CLPSL2: variants seen among roughly 807,000 people sequenced by gnomAD.
The protein encoded by CLPSL2 is colipase like 2.
CLPSL2 carries 4 observed loss-of-function variants against 7.9 expected under a neutral mutation model. That is an observed-to-expected ratio of 0.50 (90% CI 0.25 to 1.15). CLPSL2 has a LOEUF of 1.15. Ranked by LOEUF, CLPSL2 falls within the 50% of genes most tolerant of loss-of-function variation. The pLI, the probability that CLPSL2 is intolerant of heterozygous loss-of-function variation, is 0.15. For missense variants in CLPSL2, 132 were observed against 136.6 expected, an observed-to-expected ratio of 0.97 and a Z score of 0.17; for synonymous variants, 67 against 53.1, an observed-to-expected ratio of 1.26 and a Z score of -1.14.
intron 2 of CLPSL2, among the ~76,000 whole-genome samples, chr6:35,778,792 T>C (rs1378298467): frequency 6.6e-6 from 1 of 152,090 alleles, no homozygotes; most frequent in Non-Finnish European, 1.5e-5. Flanking sequence ...CTAGAGGGTT[T>C]TTATTTTTTT....
At position 35,779,422 on chromosome 6, in the gene CLPSL2, T is replaced by C; in HGVS notation, c.275T>C (p.Met92Thr). ...MGLTCISKDLMCSRRCHMI is the reference protein window; with the variant it reads ...MGLTCISKDLTCSRRCHMI ...TTGACGTGCATATCCAAGGACTTGA[T>C]GTGTTCCCGCCGGTGCCATATGATT... Residue 92 changes from methionine to threonine, a missense_variant, in exon 3 of 3, where the codon ATG (methionine) becomes ACG (threonine). Transcript: ENST00000403376. The C allele has an allele frequency of 6.3e-7, 1 of 1,578,768 alleles. No homozygotes were observed. Among genetic ancestry groups the C allele is most frequent in the Non-Finnish European group, 8.6e-7 (1 of 1,161,102 alleles).
At chr6:35,777,715 T>A (rs769838671) in intron 2 of CLPSL2, 134 bp downstream of exon 2, 16 of 1,059,374 alleles carry the variant, frequency 1.5e-5, no homozygotes, top group Non-Finnish European at 2.2e-5. Flanking sequence ...GGCAAACTCC[T>A]ACTCATGGTG....
chr6:35,778,867 C>A (rs2151058230), intron 2 of CLPSL2, among the ~76,000 whole-genome samples: 1 of 152,186 alleles, frequency 6.6e-6, no homozygotes, highest in African/African-American at 2.4e-5. Flanking sequence ...GATCTTGGCC[C>A]ACTGCAACCT....
chr6:35,778,288 T>C (rs958340179), intron 2 of CLPSL2, among the ~76,000 whole-genome samples: 2 of 152,154 alleles, frequency 1.3e-5, no homozygotes, highest in Non-Finnish European at 2.9e-5. Flanking sequence ...GAATATCTCT[T>C]CTCTCACACC....
rs1402931204 is a variant in CLPSL2 at position 35,779,431 on chromosome 6, G to A, written c.284G>A (p.Arg95His). The change falls in exon 3 of 3, where the codon CGC (arginine) becomes CAC (histidine). Residue 95 changes from arginine (R) to histidine (H), a missense_variant. Physicochemically the swap from Arg to His is conservative, Grantham distance 29 (BLOSUM62 0). Transcript: ENST00000403376. ...ATATCCAAGGACTTGATGTGTTCCCGCCGGTGCCATATGATTTAGAGGAAG... is the reference window on the plus strand; with the variant it reads ...ATATCCAAGGACTTGATGTGTTCCCACCGGTGCCATATGATTTAGAGGAAG... ...TCISKDLMCS[R>H]RCHMI 8.2e-6 allele frequency: 13 copies of A among 1,583,320 alleles called. No homozygotes were observed. Among genetic ancestry groups the A allele is most frequent in the Admixed American group, 1.8e-5 (1 of 55,076 alleles).
chr6:35,777,731 C>A, intron 2 of CLPSL2, 150 bp downstream of exon 2: 1 of 874,876 alleles, frequency 1.1e-6, no homozygotes, highest in Non-Finnish European at 1.8e-6. Flanking sequence ...TGGTGCAAAA[C>A]AACTCCAGCC....
At chr6:35,779,330 C>T (rs9470092) in intron 2 of CLPSL2, 25 bp from the exon 3 acceptor site, 11 of 1,528,934 alleles carry the variant, frequency 7.2e-6, no homozygotes, top group Non-Finnish European at 8.0e-6. Context: ...TGGTGACTCC[C>T]GATTCTCATA....
chr6:35,779,246 G>A, intron 2 of CLPSL2, 109 bp from the exon 3 acceptor site: 1 of 822,308 alleles, frequency 1.2e-6, no homozygotes, highest in Non-Finnish European at 1.9e-6. Context: ...GACAGCCCAG[G>A]TCTGTCTTAC....
Position 35,777,539 on chromosome 6 carries a change from C to G in CLPSL2, c.165C>G (p.Phe55Leu), listed in dbSNP as rs769824369. The stretch of plus-strand genomic sequence containing the variant: ...TGGACTTGGACTCCGGTGGAGCCTT[C>G]TGTGCCCCCAGGGCCAGAATAACCA... ...CLMDLDSGGA[F>L]CAPRARITMI... is the part of the protein sequence containing the mutation. The change falls in exon 2 of 3, where the codon TTC becomes TTG. Residue 55 changes from phenylalanine to leucine, a missense_variant. Transcript: ENST00000403376. 6.2e-7 allele frequency: 1 copy of G among 1,613,832 alleles called. No individual in the cohort carries two copies. The highest frequency in any genetic ancestry group is 1.1e-5 in the South Asian group (1 of 91,080).
chr6:35,777,575 G>A lies in CLPSL2; in HGVS notation c.201G>A (p.Leu67=). ...GGGCCAGAATAACCATGATCTGCTT[G>A]CCCCAGGTGAGGCCCTAGTATGGGG... ...APRARITMIC[L]PQTKGATNII... The change falls in exon 2 of 3, where the codon TTG becomes TTA. Residue 67 remains leucine, a synonymous_variant. Transcript: ENST00000403376. 6.2e-7 allele frequency: 1 copy of A among 1,613,290 alleles called. No homozygotes were observed. Among genetic ancestry groups the A allele is most frequent in the Non-Finnish European group, 8.5e-7 (1 of 1,179,632 alleles).
At chr6:35,776,840 G>A (rs1380875659) in intron 1 of CLPSL2, 138 bp downstream of exon 1, 4 of 709,700 alleles carry the variant, frequency 5.6e-6, no homozygotes, top group Non-Finnish European at 8.3e-6. Context: ...GGTAGCCTGG[G>A]GCATCCTCAG....
chr6:35,777,869 G>A, intron 2 of CLPSL2: 1 of 717,668 alleles, frequency 1.4e-6, no homozygotes. Flanking sequence ...ACTCTTCAAG[G>A]GCAGGGATCG....
chr6:35,776,693 A>G lies in CLPSL2; in HGVS notation c.75A>G (p.Gln25=), dbSNP rs2151057277. The G allele has an allele frequency of 1.4e-6, 2 of 1,457,648 alleles. No homozygotes were observed. The highest frequency in any genetic ancestry group is 2.9e-5 in the East Asian group (1 of 33,946). The allele number at this position is 1,457,648 out of a possible 1,614,324, so 90.3% of individuals were successfully genotyped here. A position where few individuals can be genotyped will look rare whatever the true frequency, so the allele number is the denominator to read the frequency against. ...TGCCCCTCTGGAGCGCGCTTCCGCA[A>G]TATAAAAAGGTGAGCCGGGGAGCGC... ...AVLPLWSALP[Q]YKKKITDRCF... is the part of the protein sequence containing the mutation. Residue 25 remains glutamine (Q), a synonymous_variant, in exon 1 of 3, where the codon CAA becomes CAG. Transcript: ENST00000403376.
chr6:35,779,284 C>A, intron 2 of CLPSL2, 71 bp from the exon 3 acceptor site: 1 of 1,283,922 alleles, frequency 7.8e-7, no homozygotes, highest in South Asian at 1.5e-5. Context: ...TGGTTCTGGT[C>A]CCCAAGAAGT....
At chr6:35,777,315 G>GA (rs1383539665) in intron 1 of CLPSL2, 144 bp from the exon 2 acceptor site, 12 of 853,932 alleles carry the variant, frequency 1.4e-5, no homozygotes, top group South Asian at 1.4e-4. Context: ...GGGCTGGGGG[G>GA]GGAACCAGCC....
chr6:35,776,791 C>A (rs896108128), intron 1 of CLPSL2, 89 bp downstream of exon 1: 37 of 1,201,942 alleles, frequency 3.1e-5, no homozygotes, highest in Non-Finnish European at 3.7e-5. Flanking sequence ...CGCCGGGCAG[C>A]CTGAAAGGGA....
At chr6:35,777,382 G>T in intron 1 of CLPSL2, 77 bp from the exon 2 acceptor site, 1 of 1,516,306 alleles carries the variant, frequency 6.6e-7, no homozygotes, top group Admixed American at 1.7e-5. Context: ...TTTGGCAATG[G>T]TGGGAACCCT....
In CLPSL2 at chr6:35,777,502, G is replaced by T; in HGVS notation, c.128G>T (p.Gly43Val). ...TTCCACCACTCTGAGTGCTACAGTGGCTGCTGCCTCATGGACTTGGACTCC... is the reference window on the plus strand; with the variant it reads ...TTCCACCACTCTGAGTGCTACAGTGTCTGCTGCCTCATGGACTTGGACTCC... ...RCFHHSECYS[G>V]CCLMDLDSGG... Residue 43 changes from glycine to valine, a missense_variant, in exon 2 of 3, where the codon GGC (glycine) becomes GTC (valine). By Grantham distance (109) the Gly-to-Val change is moderately radical. Coordinates refer to ENST00000403376, the MANE Select transcript of CLPSL2 (RefSeq NM_207409.4). The T allele has an allele frequency of 6.2e-7, 1 of 1,613,762 alleles. No homozygotes were observed. Among genetic ancestry groups the T allele is most frequent in the Non-Finnish European group, 8.5e-7 (1 of 1,179,774 alleles).
chr6:35,776,657 G>C lies in CLPSL2; in HGVS notation c.39G>C (p.Ser13=), dbSNP rs1203728699. ...AALALVAGVL[S]GAVLPLWSAL... The stretch of plus-strand genomic sequence containing the variant: ...TGGCGCTCGTGGCGGGGGTCCTGTC[G>C]GGGGCGGTGCTGCCCCTCTGGAGCG... Residue 13 remains serine, a synonymous_variant, in exon 1 of 3, where the codon TCG becomes TCC. Coordinates refer to ENST00000403376, the MANE Select transcript of CLPSL2 (RefSeq NM_207409.4). 18 of 1,493,600 alleles carry C rather than the reference G, an allele frequency of 1.2e-5. No homozygotes were observed. The highest frequency in any genetic ancestry group is 5.6e-5 in the East Asian group (2 of 35,460). 92.5% of individuals were successfully genotyped at this position (1,493,600 alleles called of 1,614,324 possible). A position where few individuals can be genotyped will look rare whatever the true frequency, so the allele number is the denominator to read the frequency against.
Sources: allele counts gnomAD v4.1 joint callset (sites outside exome capture counted in the v4.1 genomes callset), GRCh38; gene constraint gnomAD v4.1.1; transcripts MANE v1.5; gene names NCBI Gene and HGNC (gene_info 2026-07-23, HGNC 2026-07-21).